Variants in TMEM223 observed in about 807,000 individuals in gnomAD.
The protein encoded by TMEM223 is transmembrane protein 223.
In TMEM223, 14 loss-of-function variants were observed where a neutral mutation model predicts 14.1. The ratio of observed to expected loss-of-function variants is 0.99; its 90% CI spans 0.66 to 1.55. TMEM223 has a LOEUF of 1.55. TMEM223 is among the 40% of genes most tolerant of loss of function. The probability of loss-of-function intolerance (pLI) is 0.00; values close to 1 mark genes in which losing one functional copy is unlikely to be tolerated. For synonymous variants in TMEM223, 145 were observed against 120.5 expected (o/e 1.20, Z -1.33); for missense variants, 346 against 269.9 (o/e 1.28, Z -1.97).
intron 1 of TMEM223, chr11:62,782,259 T>G: frequency 1.2e-6 from 2 of 1,614,242 alleles, no homozygotes; most frequent in Non-Finnish European, 1.7e-6. Context: ...AGCCACTGGC[T>G]GCCTCCATCA....
downstream of TMEM223, among the ~76,000 whole-genome samples, chr11:62,788,426 C>T (rs143245310): frequency 7.7e-3 from 1,171 of 151,498 alleles, 10 homozygotes; most frequent in Middle Eastern, 0.01. Context: ...AAACACTGGC[C>T]GGGCCTGGTG....
downstream of TMEM223, chr11:62,786,904 A>G (rs2084284359): frequency 1.3e-6 from 2 of 1,527,688 alleles, no homozygotes; most frequent in South Asian, 1.2e-5. Context: ...GGCAAGCGCC[A>G]TAGTCAGCCC....
At chr11:62,783,299 G>A (rs1051184519), downstream of TMEM223, among the ~76,000 whole-genome samples, 1 of 152,028 alleles carries the variant, frequency 6.6e-6, no homozygotes, top group African/African-American at 2.4e-5. Flanking sequence ...TGGCTAACAC[G>A]GTGAAACCCC....
At chr11:62,789,091 C>T, downstream of TMEM223, 1 of 1,614,210 alleles carries the variant, frequency 6.2e-7, no homozygotes, top group Non-Finnish European at 8.5e-7. Flanking sequence ...TGGCCTTATC[C>T]CGTCCCTCAG....
chr11:62,776,225 G>C (rs945321257), intron 1 of TMEM223, among the ~76,000 whole-genome samples: 2 of 152,190 alleles, frequency 1.3e-5, no homozygotes, highest in African/African-American at 2.4e-5. Context: ...TGACACCCGG[G>C]GGGTGTTTTT....
chr11:62,784,007 G>GAGA (rs2084250322), downstream of TMEM223, among the ~76,000 whole-genome samples: 1 of 594 alleles, frequency 1.7e-3, no homozygotes, highest in Admixed American at 0.015. Context: ...TCCAGCCCGG[G>GAGA]CGACAGAGTC....
intron 1 of TMEM223, chr11:62,776,368 GT>G: frequency 6.2e-7 from 1 of 1,612,894 alleles, no homozygotes; most frequent in Non-Finnish European, 8.5e-7. Context: ...TCTGGCTTTT[GT>G]TCCCTCCCTC....
At chr11:62,771,436 A>ACCGCCC (rs2084146026), downstream of TMEM223, 1 of 155,852 alleles carries the variant, frequency 6.4e-6, no homozygotes, top group Non-Finnish European at 1.4e-5. Context: ...CGCCGCCGCC[A>ACCGCCC]CCGCCCCCGC....
chr11:62,783,343 G>C (rs1389014319), downstream of TMEM223, among the ~76,000 whole-genome samples: 1 of 152,048 alleles, frequency 6.6e-6, no homozygotes, highest in Non-Finnish European at 1.5e-5. Context: ...TTAGCCTGGT[G>C]TGGTGGCGGG....
downstream of TMEM223, chr11:62,782,669 C>A: frequency 6.2e-7 from 1 of 1,609,374 alleles, no homozygotes; most frequent in Non-Finnish European, 8.5e-7. Flanking sequence ...CATTCCCCTC[C>A]CTAACTGAAT....
At chr11:62,789,851 C>T (rs774073240), downstream of TMEM223, 21 of 1,599,018 alleles carry the variant, frequency 1.3e-5, no homozygotes, top group African/African-American at 2.7e-5. Context: ...TTGAAATGGT[C>T]CCACTCCTGA....
At chr11:62,788,979 A>C (rs777461125), downstream of TMEM223, 42 of 1,574,110 alleles carry the variant, frequency 2.7e-5, no homozygotes, top group Non-Finnish European at 2.3e-5. Flanking sequence ...CTGTATCTAG[A>C]GACATTAACC....
At chr11:62,781,052 A>G (rs1278466620) in intron 1 of TMEM223, among the ~76,000 whole-genome samples, 2 of 151,516 alleles carry the variant, frequency 1.3e-5, no homozygotes, top group Non-Finnish European at 2.9e-5. Flanking sequence ...CCTGGTCAAC[A>G]TGGCAAAACC....
At position 62,779,973 on chromosome 11, in the gene TMEM223, TATA is replaced by T. The variant is rs1199027991; in HGVS notation, c.315-5311_315-5309del. Among the ~76,000 whole-genome samples, 648 of 67,516 alleles carry T rather than the reference TATA, an allele frequency of 9.6e-3. 7 individuals are homozygous for T. The highest frequency in any genetic ancestry group is 0.027 in the African/African-American group (613 of 22,814). The allele number at this position is 67,516 out of a possible 152,430, so 44.3% of individuals were successfully genotyped here. On this transcript the variant is annotated intron_variant, in intron 1 of 2. Transcript: ENST00000528367. ...GAGCCTATATATATATATATATATA[TATA>T]TTTTTTTTTTTTTTTTTTTTAGAGA...
intron 1 of TMEM223, among the ~76,000 whole-genome samples, chr11:62,781,004 G>A (rs1304595906): frequency 1.3e-5 from 2 of 151,042 alleles, no homozygotes; most frequent in Non-Finnish European, 2.9e-5. Flanking sequence ...GGGAGGCCGA[G>A]GCGGGTGGAT....
At chr11:62,783,115 C>T (rs1364806373), downstream of TMEM223, among the ~76,000 whole-genome samples, 2 of 152,200 alleles carry the variant, frequency 1.3e-5, 1 homozygote, top group African/African-American at 4.8e-5. Flanking sequence ...GCATTTTACA[C>T]ATGAATAGAT....
intron 1 of TMEM223, among the ~76,000 whole-genome samples, chr11:62,791,466 C>A (rs894293225): frequency 1.3e-5 from 2 of 152,212 alleles, no homozygotes; most frequent in African/African-American, 4.8e-5. Flanking sequence ...ACGGTGTTAG[C>A]CAGGATGGTC....
intron 1 of TMEM223, among the ~76,000 whole-genome samples, chr11:62,779,976 A>ATATATATATATATATTTTTTTT (rs1294367864): frequency 9.5e-5 from 5 of 52,618 alleles, no homozygotes; most frequent in East Asian, 5.2e-4. Flanking sequence ...ATATATATAT[A>ATATATATATATATATTTTTTTT]TTTTTTTTTT....
downstream of TMEM223, among the ~76,000 whole-genome samples, chr11:62,784,386 C>G (rs1054548344): frequency 6.6e-6 from 1 of 150,532 alleles, no homozygotes; most frequent in African/African-American, 2.4e-5. Flanking sequence ...CTAACTGCAA[C>G]CTCCGCCTCC....
Sources: gnomAD v4.1 joint callset for allele counts (sites outside exome capture counted in the v4.1 genomes callset) on GRCh38, gnomAD v4.1.1 for gene constraint, MANE v1.5 for transcripts, NCBI Gene and HGNC (gene_info 2026-07-23, HGNC 2026-07-21) for gene names.